The following DDX17 variants were observed in gnomAD, a reference collection of about 807,000 sequenced individuals.
DDX17 encodes the protein probable ATP-dependent RNA helicase DDX17.
In DDX17, 10 loss-of-function variants were observed where a neutral mutation model predicts 80.8. The ratio of observed to expected loss-of-function variants is 0.12; its 90% CI spans 0.08 to 0.21. The LOEUF is 0.21. DDX17 is among the 10% of genes least tolerant of loss of function. The pLI, the probability that DDX17 is intolerant of heterozygous loss-of-function variation, is 1.00. For synonymous variants in DDX17, 339 were observed against 336.2 expected, an observed-to-expected ratio of 1.01 and a Z score of -0.09; for missense variants, 586 against 957.4, an observed-to-expected ratio of 0.61 and a Z score of 5.12.
intron 12 of DDX17, among the ~76,000 whole-genome samples, chr22:38,487,208 G>C (rs1430804032): frequency 6.6e-6 from 1 of 152,126 alleles, no homozygotes; most frequent in Non-Finnish European, 1.5e-5. Flanking sequence ...ACTCAGACCA[G>C]CCTCAGCTAG....
chr22:38,498,356 C>A, intron 4 of DDX17, 84 bp downstream of exon 4: 2 of 1,571,934 alleles, frequency 1.3e-6, no homozygotes, highest in Non-Finnish European at 1.7e-6. Context: ...AATGGCACTT[C>A]TACGAAGAAC....
chr22:38,488,670 T>G (rs1430393336), intron 11 of DDX17: 1 of 987,746 alleles, frequency 1.0e-6, no homozygotes, highest in Non-Finnish European at 1.2e-6. Flanking sequence ...GATTAACATT[T>G]AACTTTTTTT....
chr22:38,494,541 A>G lies in DDX17; in HGVS notation c.1214+89T>C. 9 of 1,271,230 alleles carry G rather than the reference A, an allele frequency of 7.1e-6. No individual in the cohort carries two copies. The South Asian group carries it at 9.9e-5, about 14-fold the overall frequency. 78.7% of individuals were successfully genotyped at this position (1,271,230 alleles called of 1,614,324 possible). ...TGCTTTTAATGTTCTCAGGCCTCAA[A>G]ATATACTGGTTTCTACAGTACTAAT... On this transcript the variant is annotated intron_variant, in intron 8 of 12. Coordinates refer to ENST00000403230, the MANE Select transcript of DDX17 (RefSeq NM_006386.5).
At chr22:38,498,635 A>T (rs960028799) in intron 3 of DDX17, 62 bp from the exon 4 acceptor site, 140 of 1,576,006 alleles carry the variant, frequency 8.9e-5, no homozygotes, top group Non-Finnish European at 1.1e-4. Context: ...AAGAGTTTTT[A>T]AAAAAACTTT....
At chr22:38,488,561 C>A in intron 11 of DDX17, 1 of 996,922 alleles carries the variant, frequency 1.0e-6, no homozygotes, top group Non-Finnish European at 1.2e-6. Flanking sequence ...AATCTACCAA[C>A]AACATAACAA....
intron 1 of DDX17, among the ~76,000 whole-genome samples, chr22:38,504,915 G>A (rs977420190): frequency 7.2e-6 from 1 of 138,966 alleles, no homozygotes; most frequent in Admixed American, 6.9e-5. Flanking sequence ...TTGGGGAAGC[G>A]GGGGGGTCGG....
chr22:38,498,267 C>T, intron 4 of DDX17, 117 bp from the exon 5 acceptor site: 1 of 1,383,846 alleles, frequency 7.2e-7, no homozygotes, highest in Non-Finnish European at 1.0e-6. Flanking sequence ...CTTACCACTG[C>T]TATATACAGG....
intron 1 of DDX17, among the ~76,000 whole-genome samples, chr22:38,501,811 T>C (rs987693782): frequency 6.6e-6 from 1 of 152,264 alleles, no homozygotes; most frequent in Non-Finnish European, 1.5e-5. Flanking sequence ...GTACCAAGTA[T>C]GTATCGGCTA....
intron 1 of DDX17, 27 bp downstream of exon 1, chr22:38,505,924 G>A (rs767818090): frequency 2.6e-6 from 4 of 1,541,716 alleles, no homozygotes; most frequent in Non-Finnish European, 3.5e-6. Context: ...CCCACGCCAG[G>A]CCTCTCCTCT....
At chr22:38,487,180 C>G (rs1408693479) in intron 12 of DDX17, among the ~76,000 whole-genome samples, 4 of 152,196 alleles carry the variant, frequency 2.6e-5, no homozygotes, top group South Asian at 4.1e-4. Context: ...CCCGCCCCGC[C>G]AAAGCAACCA....
chr22:38,486,383 T>G lies in DDX17; in HGVS notation c.1742A>C (p.Gln581Pro), dbSNP rs2089660026. The G allele has an allele frequency of 6.2e-7, 1 of 1,613,888 alleles. No individual in the cohort carries two copies. ...TCGAAGCCTTCGGTCACACTCATCC[T>G]GATACATCAGATTGGGATTGTTGGC... The change falls in exon 13 of 13, where the codon CAG becomes CCG. Residue 581 changes from glutamine to proline, a missense_variant. Gln to Pro is a moderately conservative substitution (Grantham distance 76, BLOSUM62 -1). This residue lies in a region of DDX17 where 221 missense variants were observed against 261.4 expected (regional missense o/e 0.85). Coordinates refer to ENST00000403230, the MANE Select transcript of DDX17 (RefSeq NM_006386.5).
Position 38,489,228 on chromosome 22 carries a change from C to T in DDX17, c.1448-1113G>A. The T allele has an allele frequency of 6.1e-6, 6 of 985,728 alleles. No individual in the cohort carries two copies. Among genetic ancestry groups the T allele is most frequent in the Non-Finnish European group, 7.2e-6 (6 of 829,914 alleles). The allele number at this position is 985,728 out of a possible 1,614,324, so 61.1% of individuals were successfully genotyped here. On this transcript the variant is annotated intron_variant, in intron 11 of 12. Coordinates refer to ENST00000403230, the MANE Select transcript of DDX17 (RefSeq NM_006386.5). This position sits in a 1 kb window ranked among gnomAD's most constrained non-coding sequence, Gnocchi z 4.6. ...AAACATTCTCTGTTTGTTACCAGAC[C>T]GATGCACACTCCCTCCTCCTTTGGG... is the stretch of plus-strand genomic sequence containing the variant.
chr22:38,486,816 G>C (rs368879504), intron 12 of DDX17, among the ~76,000 whole-genome samples: 1 of 152,106 alleles, frequency 6.6e-6, no homozygotes, highest in East Asian at 1.9e-4. Context: ...TAAAATGACT[G>C]ACCTCTCCGT....
In DDX17 at chr22:38,489,344, G is replaced by A. The variant is rs529926016; in HGVS notation, c.1448-1229C>T. 122 of 985,674 alleles carry A rather than the reference G, an allele frequency of 1.2e-4. No individual in the cohort carries two copies. Among genetic ancestry groups the A allele is most frequent in the Non-Finnish European group, 1.3e-4 (112 of 829,930 alleles). The allele number at this position is 985,674 out of a possible 1,614,324, so 61.1% of individuals were successfully genotyped here. ...CCTTCTGACACGGGACCACTGGAGCGCGGGGAGCATGCATCAAGGGTCCGT... is the reference window on the plus strand; with the variant it reads ...CCTTCTGACACGGGACCACTGGAGCACGGGGAGCATGCATCAAGGGTCCGT... On this transcript the variant is annotated intron_variant, in intron 11 of 12. Coordinates refer to ENST00000403230, the MANE Select transcript of DDX17 (RefSeq NM_006386.5). The surrounding 1 kb of genome is among the most constrained non-coding windows in gnomAD (Gnocchi z 4.6).
At chr22:38,504,339 G>C (rs2089859123) in intron 1 of DDX17, among the ~76,000 whole-genome samples, 1 of 152,092 alleles carries the variant, frequency 6.6e-6, no homozygotes, top group African/African-American at 2.4e-5. Context: ...AGACATTTGC[G>C]TTGTTTCCAA....
intron 1 of DDX17, 76 bp from the exon 2 acceptor site, chr22:38,501,356 A>G: frequency 6.7e-7 from 1 of 1,496,904 alleles, no homozygotes; most frequent in Non-Finnish European, 8.9e-7. Context: ...AATATTCAAA[A>G]AGGATGGAGT....
rs2089649767 is a variant in DDX17, at chr22:38,485,762, T to C, written c.*173A>G. ...TTGGTGGGCAGAAGAAACCTGGCAG[T>C]GAATTCTAACTAATCTGCATGAAAA... On this transcript the variant is annotated 3_prime_UTR_variant, in exon 13 of 13. Transcript: ENST00000403230. 1 of 921,270 alleles carries C rather than the reference T, an allele frequency of 1.1e-6. No homozygotes were observed. The highest frequency in any genetic ancestry group is 1.9e-5 in the African/African-American group (1 of 53,944). The allele number at this position is 921,270 out of a possible 1,614,324, so 57.1% of individuals were successfully genotyped here.
Position 38,490,602 on chromosome 22 carries a change from T to C in DDX17, c.1447+1454A>G, listed in dbSNP as rs143718580. The C allele has an allele frequency of 2.5e-4, 120 of 489,210 alleles. 1 individual carries two copies. The highest frequency in any genetic ancestry group is 2.3e-3 in the African/African-American group (115 of 49,034). 30.3% of individuals were successfully genotyped at this position (489,210 alleles called of 1,614,324 possible). On this transcript the variant is annotated intron_variant, in intron 11 of 12. Transcript: ENST00000403230. ...TCAAAGAACTTACCTGAAGGGAACA[T>C]TTAAGAGACCATCGCTTGACAGGAA...
chr22:38,491,941 T>G (rs2089717981), intron 11 of DDX17, 115 bp downstream of exon 11: 5 of 627,384 alleles, frequency 8.0e-6, no homozygotes, highest in Non-Finnish European at 1.3e-5. Flanking sequence ...CTTTCAAATA[T>G]TTATCTAACC....
Sources: allele counts gnomAD v4.1 joint callset (sites outside exome capture counted in the v4.1 genomes callset), GRCh38; gene constraint gnomAD v4.1.1; regional missense constraint gnomAD v4.1.1; non-coding constraint Gnocchi (gnomAD v3.1); transcripts MANE v1.5; gene names NCBI Gene and HGNC (gene_info 2026-07-23, HGNC 2026-07-21).